CCDC93: variants seen among roughly 807,000 people sequenced by gnomAD.
CCDC93 encodes coiled-coil domain-containing protein 93.
Under a neutral mutation model 108.2 loss-of-function variants are expected in CCDC93, and 61 were observed. The observed-to-expected ratio is 0.56, with a 90% CI of 0.46 to 0.70. CCDC93 has a LOEUF of 0.70. Among genes scored for constraint, CCDC93 ranks in the 30% least tolerant of loss-of-function variants. The pLI, the probability that CCDC93 is intolerant of heterozygous loss-of-function variation, is 0.00. For missense variants in CCDC93, 685 were observed against 764.2 expected, an observed-to-expected ratio of 0.90 and a Z score of 1.22; for synonymous variants, 276 against 260.4, an observed-to-expected ratio of 1.06 and a Z score of -0.58.
At chr2:117,998,273 C>G (rs1178332825) in intron 4 of CCDC93, 1 of 152,128 alleles carries the variant, frequency 6.6e-6, no homozygotes, top group Admixed American at 6.5e-5. Flanking sequence ...AGAAGTAGGT[C>G]AATGGCTTAC....
chr2:117,928,625 T>G (rs529052777), intron 23 of CCDC93, among the ~76,000 whole-genome samples: 1,941 of 151,944 alleles, frequency 0.013, 16 homozygotes, highest in South Asian at 0.031. Flanking sequence ...TGCTGGAGAG[T>G]ATGTGGAGAA....
At chr2:117,944,349 T>C (rs774359909) in intron 17 of CCDC93, among the ~76,000 whole-genome samples, 1 of 151,728 alleles carries the variant, frequency 6.6e-6, no homozygotes, top group Non-Finnish European at 1.5e-5. Flanking sequence ...CAAATGTATA[T>C]GCCCTTCCCC....
At chr2:117,995,283 TGAGCAGTAAAGCAGGCG>T in intron 6 of CCDC93, 146 bp downstream of exon 6, 1 of 667,648 alleles carries the variant, frequency 1.5e-6, no homozygotes, top group East Asian at 2.6e-5. Context: ...GTCCTGGCCC[TGAGCAGTAAAGCAGGCG>T]GGGCTTCCCT....
intron 4 of CCDC93, chr2:117,997,539 T>A (rs1021179876): frequency 2.6e-5 from 4 of 152,222 alleles, no homozygotes; most frequent in Non-Finnish European, 5.9e-5. Flanking sequence ...TTCCCGCAGA[T>A]GTTTGTTCAC....
At chr2:117,995,054 C>T (rs1558800831) in intron 6 of CCDC93, among the ~76,000 whole-genome samples, 1 of 152,202 alleles carries the variant, frequency 6.6e-6, no homozygotes, top group African/African-American at 2.4e-5. Flanking sequence ...CCGCACACAG[C>T]TCAGAGGCTA....
intron 2 of CCDC93, among the ~76,000 whole-genome samples, chr2:118,007,946 T>C (rs972850275): frequency 6.6e-6 from 1 of 152,244 alleles, no homozygotes; most frequent in African/African-American, 2.4e-5. Flanking sequence ...CAGTCCACGG[T>C]GGCACTTTCT....
chr2:117,951,251 T>C (rs1056313080), intron 13 of CCDC93: 3 of 985,268 alleles, frequency 3.0e-6, no homozygotes, highest in Admixed American at 1.2e-4. Flanking sequence ...CCCGCAGAGC[T>C]TGCCATCTAA....
At chr2:117,975,388 G>A (rs781258275) in intron 8 of CCDC93, 108 bp from the exon 9 acceptor site, 3 of 786,200 alleles carry the variant, frequency 3.8e-6, no homozygotes, top group Non-Finnish European at 6.5e-6. Context: ...CAGACCTGCA[G>A]AGCAGCAGCA....
rs113062293 is a variant in CCDC93 at position 117,934,539 on chromosome 2, C to T, written c.1728+956G>A. The stretch of plus-strand genomic sequence containing the variant: ...TCCTTTGACATCGTTTTATTGAAGT[C>T]ATTCACAGAGAGATTAATGATATTT... On this transcript the variant is annotated intron_variant, in intron 22 of 23. Transcript: ENST00000376300. 3.1e-3 allele frequency: 471 copies of T among 153,824 alleles called. 1 individual carries two copies. The highest frequency in any genetic ancestry group is 5.0e-3 in the Non-Finnish European group (343 of 68,128). 9.5% of individuals were successfully genotyped at this position (153,824 alleles called of 1,614,324 possible). A position where few individuals can be genotyped will look rare whatever the true frequency, so the allele number is the denominator to read the frequency against.
At position 117,944,851 on chromosome 2, in the gene CCDC93, C is replaced by T. The variant is rs76663929; in HGVS notation, c.1350+678G>A. 244 of 469,176 alleles carry T rather than the reference C, an allele frequency of 5.2e-4. 10 individuals carry two copies. The East Asian group carries it at 0.015, about 28-fold the overall frequency. 29.1% of individuals were successfully genotyped at this position (469,176 alleles called of 1,614,324 possible). On this transcript the variant is annotated intron_variant, in intron 17 of 23. Transcript: ENST00000376300. ...GAGGAACCCTTAAAGAAGGCAGATG[C>T]TTACAGTTTTCCTGCTTTTCCTTTC...
At chr2:117,996,205 T>C in intron 5 of CCDC93, 59 bp downstream of exon 5, 1 of 1,140,328 alleles carries the variant, frequency 8.8e-7, no homozygotes, top group Non-Finnish European at 1.3e-6. Context: ...TGCTAGAGAG[T>C]CTCTTAAGTG....
intron 1 of CCDC93, 32 bp downstream of exon 1, chr2:118,013,922 C>T (rs767621379): frequency 1.9e-6 from 3 of 1,543,640 alleles, no homozygotes; most frequent in Non-Finnish European, 2.6e-6. Context: ...TCAGGAACCC[C>T]GACGTGTCAG....
intron 7 of CCDC93, among the ~76,000 whole-genome samples, chr2:117,981,746 A>C (rs565039805): frequency 6.6e-6 from 1 of 152,320 alleles, no homozygotes; most frequent in East Asian, 1.9e-4. Flanking sequence ...TTAAAATTTA[A>C]ATTTAACTTA....
intron 7 of CCDC93, among the ~76,000 whole-genome samples, chr2:117,979,536 T>C (rs759654845): frequency 2.0e-5 from 3 of 152,216 alleles, no homozygotes; most frequent in Non-Finnish European, 2.9e-5. Context: ...ATTCTACCTT[T>C]ATATCTGGTT....
intron 13 of CCDC93, chr2:117,949,774 G>A (rs1678994674): frequency 2.0e-6 from 2 of 985,260 alleles, no homozygotes; most frequent in African/African-American, 3.5e-5. Context: ...ACAACTTGCA[G>A]CCACCCCTTC....
intron 22 of CCDC93, among the ~76,000 whole-genome samples, chr2:117,933,777 A>G (rs1678426930): frequency 6.6e-6 from 1 of 151,816 alleles, no homozygotes; most frequent in African/African-American, 2.4e-5. Context: ...CACAGTGTCT[A>G]TCAACATTCA....
At position 117,994,108 on chromosome 2, in the gene CCDC93, G is replaced by T. The variant is rs1288792303; in HGVS notation, c.519+1338C>A. 2.0e-5 allele frequency among the ~76,000 whole-genome samples: 3 copies of T among 152,198 alleles called. No individual in the cohort carries two copies. In the East Asian group the frequency reaches 5.8e-4, roughly 29 times the overall value. ...AACCACAAAATTATCTTTAAAGTAT[G>T]ATTCCAATTCAGTTTAAAAATGCAC... On this transcript the variant is annotated intron_variant, in intron 6 of 23. Transcript: ENST00000376300.
intron 6 of CCDC93, among the ~76,000 whole-genome samples, chr2:117,994,065 T>TAC (rs1342507395): frequency 6.6e-6 from 1 of 152,204 alleles, no homozygotes; most frequent in African/African-American, 2.4e-5. Flanking sequence ...CAAAAGCCCC[T>TAC]ACATTGGTAA....
intron 20 of CCDC93, among the ~76,000 whole-genome samples, chr2:117,938,152 G>A (rs1193740879): frequency 3.3e-5 from 5 of 152,114 alleles, no homozygotes; most frequent in South Asian, 4.1e-4. Flanking sequence ...CATTCTGTCC[G>A]CATTATAATC....
Sources: allele counts gnomAD v4.1 joint callset (sites outside exome capture counted in the v4.1 genomes callset), GRCh38; gene constraint gnomAD v4.1.1; transcripts MANE v1.5; gene names NCBI Gene and HGNC (gene_info 2026-07-23, HGNC 2026-07-21).